The following STIM2 variants were observed in gnomAD, a reference collection of about 807,000 sequenced individuals.
STIM2 encodes the protein stromal interaction molecule 2.
In STIM2, 31 loss-of-function variants were observed where a neutral mutation model predicts 85.8. That is an observed-to-expected ratio of 0.36 (90% confidence interval 0.27 to 0.49). The LOEUF is 0.49. STIM2 is among the 20% of genes least tolerant of loss of function. The pLI is 0.98. For missense variants in STIM2, 841 were observed against 927.6 expected (o/e 0.91, Z 1.21); for synonymous variants, 356 against 331.1 (o/e 1.08, Z -0.82).
chr4:26,882,756 C>G (rs961264218), intron 1 of STIM2, among the ~76,000 whole-genome samples: 1 of 152,112 alleles, frequency 6.6e-6, no homozygotes, highest in Non-Finnish European at 1.5e-5. Context: ...CGGTACCTGG[C>G]CCATTAGTCT....
chr4:27,002,407 A>G lies in STIM2; in HGVS notation c.803+13A>G, dbSNP rs1728186649. The stretch of plus-strand genomic sequence containing the variant: ...ACTTACAGGAGAGGTAAGTTCAGAA[A>G]AATCATAACTCATTTATGTAGGCAA... On this transcript the variant is annotated intron_variant, in intron 6 of 11. Transcript: ENST00000467087. 4 of 1,579,094 alleles carry G rather than the reference A, an allele frequency of 2.5e-6. No homozygotes were observed. The highest frequency in any genetic ancestry group is 3.4e-6 in the Non-Finnish European group (4 of 1,167,110).
rs1328672847 is a variant in STIM2 at position 27,008,917 on chromosome 4, C to T, written c.1404C>T (p.Pro468=). The T allele has an allele frequency of 1.9e-6, 3 of 1,613,996 alleles. No homozygotes were observed. The highest frequency in any genetic ancestry group is 2.2e-5 in the South Asian group (2 of 91,088). The change falls in exon 10 of 12, where the codon CCC becomes CCT. Residue 468 remains proline, a synonymous_variant. Transcript: ENST00000467087. ...CTGATCACAGCTGGGTGGTGATGCC[C>T]AGAGTCTCCATTCCACCCTATCCAA...
chr4:26,975,090 G>C (rs573065725), intron 3 of STIM2, among the ~76,000 whole-genome samples: 1 of 151,696 alleles, frequency 6.6e-6, no homozygotes, highest in East Asian at 1.9e-4. Context: ...AGCTCCATCA[G>C]GTCATTTAAG....
chr4:26,964,631 G>C lies in STIM2; in HGVS notation c.397+6905G>C, dbSNP rs182572411. ...ATTTTTGGATCCACTGGGCTTGGAGGGGGGGTTTATTTAACTGATTCATAC... is the reference window on the plus strand; with the variant it reads ...ATTTTTGGATCCACTGGGCTTGGAGCGGGGGTTTATTTAACTGATTCATAC... On this transcript the variant is annotated intron_variant, in intron 3 of 11. Coordinates refer to ENST00000467087, the MANE Select transcript of STIM2 (RefSeq NM_020860.4). Among the ~76,000 whole-genome samples, 7 of 152,216 alleles carry C rather than the reference G, an allele frequency of 4.6e-5. No homozygotes were observed. In the East Asian group the frequency reaches 7.7e-4, roughly 17 times the overall value.
intron 1 of STIM2, among the ~76,000 whole-genome samples, chr4:26,893,418 A>T (rs1035876164): frequency 9.2e-5 from 14 of 152,170 alleles, no homozygotes; most frequent in Non-Finnish European, 2.9e-5. Flanking sequence ...TAATAAAATC[A>T]TTGTATGTGC....
In STIM2 at chr4:27,021,013, G is replaced by C. The variant is rs1297600257; in HGVS notation, c.1764-1506G>C. On this transcript the variant is annotated intron_variant, in intron 11 of 11. Coordinates refer to ENST00000467087, the MANE Select transcript of STIM2 (RefSeq NM_020860.4). ...ATGGAGTGAACAGTATTCACCTTGG[G>C]CTCGGTGCGTGCAAAAGTGAATGAG... 2.0e-6 allele frequency: 3 copies of C among 1,535,296 alleles called. No homozygotes were observed. In the African/African-American group the frequency reaches 4.1e-5, roughly 21 times the overall value.
At chr4:26,954,761 A>G (rs945511696) in intron 2 of STIM2, among the ~76,000 whole-genome samples, 6 of 148,288 alleles carry the variant, frequency 4.0e-5, no homozygotes, top group Admixed American at 4.0e-4. Flanking sequence ...CATTTTCTAA[A>G]CAAAAATATT....
intron 3 of STIM2, among the ~76,000 whole-genome samples, chr4:26,993,455 G>T (rs551912261): frequency 2.0e-5 from 3 of 152,104 alleles, no homozygotes; most frequent in African/African-American, 4.8e-5. Context: ...TTTCTCTAAA[G>T]AACACTTAAT....
intron 1 of STIM2, among the ~76,000 whole-genome samples, chr4:26,900,623 C>A (rs534392151): frequency 6.6e-6 from 1 of 152,230 alleles, no homozygotes; most frequent in African/African-American, 2.4e-5. Flanking sequence ...TTAGTAAAAT[C>A]TTAATTTATA....
At chr4:27,021,692 T>C (rs1447961180) in intron 11 of STIM2, 3 of 451,048 alleles carry the variant, frequency 6.7e-6, no homozygotes, top group South Asian at 3.1e-5. Context: ...GAGGGAAGAA[T>C]GAGAATGAAA....
chr4:26,910,370 A>T (rs1270459208), intron 1 of STIM2, among the ~76,000 whole-genome samples: 3 of 152,122 alleles, frequency 2.0e-5, no homozygotes, highest in African/African-American at 7.2e-5. Flanking sequence ...TAAAAAAAAT[A>T]AAAATTATCT....
At chr4:26,913,993 C>T (rs944740298) in intron 1 of STIM2, among the ~76,000 whole-genome samples, 3 of 152,150 alleles carry the variant, frequency 2.0e-5, no homozygotes, top group Non-Finnish European at 4.4e-5. Context: ...GGAAATAAGA[C>T]AGCCTCTGAG....
At chr4:26,946,822 C>T (rs946824538) in intron 2 of STIM2, among the ~76,000 whole-genome samples, 2 of 152,124 alleles carry the variant, frequency 1.3e-5, no homozygotes, top group Non-Finnish European at 2.9e-5. Flanking sequence ...TTCGCGGTCT[C>T]TTGTGTTATT....
intron 1 of STIM2, among the ~76,000 whole-genome samples, chr4:26,881,184 G>C (rs951671502): frequency 3.9e-5 from 6 of 152,142 alleles, no homozygotes; most frequent in African/African-American, 1.2e-4. Context: ...GCCAGACGGG[G>C]GCTGGGCGCG....
At chr4:26,914,188 A>G (rs1724447771) in intron 1 of STIM2, among the ~76,000 whole-genome samples, 1 of 152,156 alleles carries the variant, frequency 6.6e-6, no homozygotes, top group Non-Finnish European at 1.5e-5. Flanking sequence ...CTTCGCTTAT[A>G]CTTTTTCTGT....
chr4:27,015,340 T>A (rs1728695462), intron 10 of STIM2, among the ~76,000 whole-genome samples: 1 of 152,064 alleles, frequency 6.6e-6, no homozygotes, highest in Non-Finnish European at 1.5e-5. Context: ...TTCAAATGTC[T>A]CTCAAAACAG....
intron 1 of STIM2, among the ~76,000 whole-genome samples, chr4:26,911,472 C>G (rs9654110): frequency 0.49 from 75,065 of 151,814 alleles, 18,649 homozygotes; most frequent in East Asian, 0.63. Flanking sequence ...GGAGTTTTCA[C>G]CAAAGGTCCT....
intron 10 of STIM2, among the ~76,000 whole-genome samples, chr4:27,009,474 A>G (rs889093714): frequency 1.3e-5 from 2 of 152,214 alleles, no homozygotes; most frequent in East Asian, 1.9e-4. Flanking sequence ...CGCTTAATGT[A>G]TAGTAGGAAT....
chr4:26,933,568 A>G (rs1212713144), intron 2 of STIM2, among the ~76,000 whole-genome samples: 1 of 151,970 alleles, frequency 6.6e-6, no homozygotes, highest in East Asian at 1.9e-4. Flanking sequence ...TTTTTATATT[A>G]TCATCCTCAT....
Sources: allele counts gnomAD v4.1 joint callset (sites outside exome capture counted in the v4.1 genomes callset), GRCh38; gene constraint gnomAD v4.1.1; transcripts MANE v1.5; gene names NCBI Gene and HGNC (gene_info 2026-07-23, HGNC 2026-07-21).